ARID3A: variants seen among roughly 807,000 people sequenced by gnomAD.
ARID3A encodes AT-rich interaction domain 3A.
In ARID3A, 11 loss-of-function variants were observed where a neutral mutation model predicts 52.7. The ratio of observed to expected loss-of-function variants is 0.21; its 90% CI spans 0.13 to 0.35. The LOEUF is 0.35. Ranked by LOEUF, ARID3A falls within the 10% of genes least tolerant of loss-of-function variation. ARID3A has a pLI of 1.00. For missense variants in ARID3A, 721 were observed against 838.5 expected (o/e 0.86, Z 1.73); for synonymous variants, 404 against 359.4 (o/e 1.12, Z -1.40).
Position 972,825 on chromosome 19 carries a change from AAAAAAACTC to A in ARID3A, c.*762_*770del. The A allele has an allele frequency of 5.4e-6, 1 of 184,110 alleles. No individual in the cohort carries two copies. Among genetic ancestry groups the A allele is most frequent in the Non-Finnish European group, 1.1e-5 (1 of 89,214 alleles). 11.4% of individuals were successfully genotyped at this position (184,110 alleles called of 1,614,324 possible). On this transcript the variant is annotated 3_prime_UTR_variant, in exon 9 of 9. Coordinates refer to ENST00000263620, the MANE Select transcript of ARID3A (RefSeq NM_005224.3). ...GCAAAAAAAAAAAAAAAAAAAAAAA[AAAAAAACTC>A]ACCTTTTTATTTTTCCCATGACCAA...
At chr19:935,128 G>T (rs1265641246) in intron 3 of ARID3A, among the ~76,000 whole-genome samples, 1 of 152,196 alleles carries the variant, frequency 6.6e-6, no homozygotes, top group African/African-American at 2.4e-5. Context: ...CCGCTGGCCG[G>T]CCGCTTGGCA....
chr19:934,230 G>A (rs1172000374), intron 3 of ARID3A, among the ~76,000 whole-genome samples: 1 of 152,134 alleles, frequency 6.6e-6, no homozygotes, highest in East Asian at 1.9e-4. Flanking sequence ...CCATTCAGTC[G>A]GTCCTTCGGG....
intron 3 of ARID3A, among the ~76,000 whole-genome samples, chr19:943,383 A>G (rs923503578): frequency 6.6e-6 from 1 of 151,872 alleles, no homozygotes; most frequent in African/African-American, 2.4e-5. Flanking sequence ...AGCCTGACCA[A>G]CATGGTGAAA....
At chr19:928,289 G>C (rs2037242735) in intron 1 of ARID3A, 1 of 152,198 alleles carries the variant, frequency 6.6e-6, no homozygotes, top group Non-Finnish European at 1.5e-5. Flanking sequence ...TTTATTGGCG[G>C]CCTGGGCGGG....
At chr19:934,963 G>A (rs935867170) in intron 3 of ARID3A, among the ~76,000 whole-genome samples, 1 of 152,092 alleles carries the variant, frequency 6.6e-6, no homozygotes, top group African/African-American at 2.4e-5. Context: ...CGATGCCGCC[G>A]CCCGCCCAGC....
In ARID3A at chr19:965,038, A is replaced by T; in HGVS notation, c.1156A>T (p.Thr386Ser). 1 of 1,612,956 alleles carries T rather than the reference A, an allele frequency of 6.2e-7. No individual in the cohort carries two copies. ...GTCCTCCCTGGGCCTGGCCGCAAGC[A>T]CCAATGGCAGCTCCATCACCCCCGC... ...PVSSLGLAAS[T>S]NGSSITPAPK... The change falls in exon 6 of 9, where the codon ACC becomes TCC. Residue 386 changes from threonine (T) to serine (S), a missense_variant. Coordinates refer to ENST00000263620, the MANE Select transcript of ARID3A (RefSeq NM_005224.3).
chr19:970,503 T>C (rs1003543662), intron 8 of ARID3A, among the ~76,000 whole-genome samples: 2 of 132,904 alleles, frequency 1.5e-5, no homozygotes, highest in Non-Finnish European at 3.2e-5. Flanking sequence ...TTTTTCTTTT[T>C]TTTTTTTTTT....
intron 3 of ARID3A, among the ~76,000 whole-genome samples, chr19:952,008 G>C (rs535172351): frequency 1.3e-5 from 2 of 152,228 alleles, no homozygotes; most frequent in Non-Finnish European, 2.9e-5. Flanking sequence ...AGGTGTGGTG[G>C]CACGTGCCGG....
chr19:946,726 C>A lies in ARID3A; in HGVS notation c.694-13366C>A, dbSNP rs182123454. On this transcript the variant is annotated intron_variant, in intron 3 of 8. Transcript: ENST00000263620. ...AAAGTGCTGGGATTACAGGCGTGAG[C>A]CACCGTCCCCGGCTAATGTTTTCTT... 4.4e-3 allele frequency among the ~76,000 whole-genome samples: 675 copies of A among 152,222 alleles called. 4 individuals carry two copies. The highest frequency in any genetic ancestry group is 0.017 in the South Asian group (80 of 4,826).
rs2037538404 is a variant in ARID3A at position 941,009 on chromosome 19, G to A, written c.693+8267G>A. 6.6e-6 allele frequency among the ~76,000 whole-genome samples: 1 copy of A among 152,064 alleles called. No individual in the cohort carries two copies. Among genetic ancestry groups the A allele is most frequent in the African/African-American group, 2.4e-5 (1 of 41,424 alleles). ...TGACTCAGCCGGAAGAGCCTTATCT[G>A]GCCCCTGCGCCACCGCCTGGCCGTC... is the stretch of plus-strand genomic sequence containing the variant. On this transcript the variant is annotated intron_variant, in intron 3 of 8. Coordinates refer to ENST00000263620, the MANE Select transcript of ARID3A (RefSeq NM_005224.3). The surrounding 1 kb of genome is among the most constrained non-coding windows in gnomAD (Gnocchi z 6.9).
intron 3 of ARID3A, among the ~76,000 whole-genome samples, chr19:956,264 T>A (rs2037915259): frequency 1.3e-5 from 2 of 151,926 alleles, no homozygotes; most frequent in Non-Finnish European, 2.9e-5. Flanking sequence ...CTCCGCCCTG[T>A]CCCCCTCTCC....
chr19:965,135 G>T (rs1229981064), intron 6 of ARID3A, 55 bp downstream of exon 6: 2 of 1,527,274 alleles, frequency 1.3e-6, no homozygotes, highest in East Asian at 4.6e-5. Flanking sequence ...CAGCCTGGCT[G>T]TCTGACCTTG....
chr19:945,599 AG>A (rs764503022), intron 3 of ARID3A, among the ~76,000 whole-genome samples: 1 of 152,152 alleles, frequency 6.6e-6, no homozygotes, highest in Non-Finnish European at 1.5e-5. Flanking sequence ...AGCTCCGGCC[AG>A]GTGTACCCCA....
chr19:943,521 T>A (rs1359367102), intron 3 of ARID3A, among the ~76,000 whole-genome samples: 1 of 151,198 alleles, frequency 6.6e-6, no homozygotes, highest in East Asian at 1.9e-4. Flanking sequence ...TGAGCTGAGA[T>A]CGCACCACTA....
chr19:966,781 C>A lies in ARID3A; in HGVS notation c.1408C>A (p.Gln470Lys). The A allele has an allele frequency of 6.2e-7, 1 of 1,613,636 alleles. No individual in the cohort carries two copies. The highest frequency in any genetic ancestry group is 8.5e-7 in the Non-Finnish European group (1 of 1,180,014). ...GAAGATGGCCCTGGTGGCCGATGAG[C>A]AGCAACGGCTGATGCAACGTGCACT... ...EKKMALVADE[Q>K]QRLMQRALQQ... The change falls in exon 7 of 9, where the codon CAG (glutamine) becomes AAG (lysine). Residue 470 changes from glutamine (Q) to lysine (K), a missense_variant. Around this residue, in one of 5 missense-constraint regions of ARID3A, gnomAD observed 297 missense variants for 343.2 expected, o/e 0.87. Coordinates refer to ENST00000263620, the MANE Select transcript of ARID3A (RefSeq NM_005224.3).
In ARID3A at chr19:954,539, A is replaced by G. The variant is rs537139359; in HGVS notation, c.694-5553A>G. Among the ~76,000 whole-genome samples the G allele has an allele frequency of 3.3e-5, 5 of 152,352 alleles. No individual in the cohort carries two copies. The South Asian group carries it at 1.0e-3, about 32-fold the overall frequency. ...GCTGGCAACAAGATAAGAATTCCGC[A>G]TGTTCCAGGGCAGACAGACGAGAGA... On this transcript the variant is annotated intron_variant, in intron 3 of 8. Transcript: ENST00000263620.
In ARID3A at chr19:947,970, GT is replaced by G. The variant is rs2145407700; in HGVS notation, c.694-12121del. 6.6e-6 allele frequency among the ~76,000 whole-genome samples: 1 copy of G among 152,318 alleles called. No individual in the cohort carries two copies. Among genetic ancestry groups the G allele is most frequent in the African/African-American group, 2.4e-5 (1 of 41,584 alleles). On this transcript the variant is annotated intron_variant, in intron 3 of 8. Transcript: ENST00000263620. The surrounding 1 kb of genome is among the most constrained non-coding windows in gnomAD (Gnocchi z 6.3). The stretch of plus-strand genomic sequence containing the variant: ...GGCAGGCGGGGGAGCCCCCCGGCTG[GT>G]CAGGTGCACGAGGAGCAACCCATGG...
chr19:932,827 T>A, intron 3 of ARID3A, 85 bp downstream of exon 3: 1 of 1,511,220 alleles, frequency 6.6e-7, no homozygotes. Flanking sequence ...GCACGGGGTG[T>A]GTGCTGAGCC....
chr19:945,212 C>T (rs1242783118), intron 3 of ARID3A, among the ~76,000 whole-genome samples: 1 of 152,370 alleles, frequency 6.6e-6, no homozygotes, highest in South Asian at 2.1e-4. Flanking sequence ...CTCTGCCCGA[C>T]CTGGGCCTGG....
Sources: allele counts gnomAD v4.1 joint callset (sites outside exome capture counted in the v4.1 genomes callset), GRCh38; gene constraint gnomAD v4.1.1; regional missense constraint gnomAD v4.1.1; non-coding constraint Gnocchi (gnomAD v3.1); transcripts MANE v1.5; gene names NCBI Gene and HGNC (gene_info 2026-07-23, HGNC 2026-07-21).